The following LHFPL3 variants were observed in gnomAD, a reference collection of about 807,000 sequenced individuals.
LHFPL3 encodes LHFPL tetraspan subfamily member 3.
LHFPL3 carries 5 observed loss-of-function variants against 19.3 expected under a neutral mutation model. The ratio of observed to expected loss-of-function variants is 0.26; its 90% CI spans 0.14 to 0.54. The LOEUF is 0.54. Ranked by LOEUF, LHFPL3 falls within the 20% of genes least tolerant of loss-of-function variation. The probability of loss-of-function intolerance (pLI) is 0.94; values close to 1 mark genes in which losing one functional copy is unlikely to be tolerated. For synonymous variants in LHFPL3, 133 were observed against 126.2 expected, an observed-to-expected ratio of 1.05 and a Z score of -0.36; for missense variants, 249 against 307.4, an observed-to-expected ratio of 0.81 and a Z score of 1.42.
At chr7:104,626,118 T>C (rs1034203555) in intron 1 of LHFPL3, among the ~76,000 whole-genome samples, 2 of 152,192 alleles carry the variant, frequency 1.3e-5, no homozygotes, top group Non-Finnish European at 2.9e-5. Context: ...ACTGAGCCCA[T>C]GTAATTTTTT....
At chr7:104,498,338 A>G (rs984165929) in intron 1 of LHFPL3, among the ~76,000 whole-genome samples, 10 of 152,184 alleles carry the variant, frequency 6.6e-5, no homozygotes, top group Admixed American at 1.3e-4. Context: ...ACTGTCTGCA[A>G]TGAGGCTTCC....
At chr7:104,478,673 C>G (rs1793073215) in intron 1 of LHFPL3, among the ~76,000 whole-genome samples, 2 of 152,292 alleles carry the variant, frequency 1.3e-5, no homozygotes, top group South Asian at 4.1e-4. Context: ...ATCCCTGCAT[C>G]TTAAATCTCT....
Position 104,664,226 on chromosome 7 carries a change from G to A in LHFPL3, c.446-72449G>A, listed in dbSNP as rs537529271. 2.0e-5 allele frequency among the ~76,000 whole-genome samples: 3 copies of A among 152,034 alleles called. No homozygotes were observed. The South Asian group carries it at 6.2e-4, about 32-fold the overall frequency. ...GCTCCATTAAAAAGATAACCCAAAG[G>A]TTAAATTTTTATTGCCATGGTACTT... On this transcript the variant is annotated intron_variant, in intron 1 of 2. Coordinates refer to ENST00000424859, the MANE Select transcript of LHFPL3 (RefSeq NM_199000.3).
At chr7:104,408,864 C>CTTTTTTTTTTTTTTTTTTTTT (rs561975535) in intron 1 of LHFPL3, among the ~76,000 whole-genome samples, 2 of 105,436 alleles carry the variant, frequency 1.9e-5, no homozygotes, top group African/African-American at 7.5e-5. Flanking sequence ...AATTTTCTTT[C>CTTTTTTTTTTTTTTTTTTTTT]TTTTTTTTTT....
intron 1 of LHFPL3, among the ~76,000 whole-genome samples, chr7:104,563,548 C>T (rs112921746): frequency 0.1 from 15,122 of 151,848 alleles, 1,036 homozygotes; most frequent in African/African-American, 0.27. Context: ...GGCTCGCGCA[C>T]GGTGCACGCA....
chr7:104,656,747 C>T lies in LHFPL3; in HGVS notation c.446-79928C>T, dbSNP rs568308127. On this transcript the variant is annotated intron_variant, in intron 1 of 2. Coordinates refer to ENST00000424859, the MANE Select transcript of LHFPL3 (RefSeq NM_199000.3). ...TCTCCAGGACCTGAGGAGTCATGGACCTGTCTTGGCCAAATATCTCCTGAT... is the reference window on the plus strand; with the variant it reads ...TCTCCAGGACCTGAGGAGTCATGGATCTGTCTTGGCCAAATATCTCCTGAT... Among the ~76,000 whole-genome samples the T allele has an allele frequency of 5.9e-5, 9 of 152,322 alleles. No homozygotes were observed. The South Asian group carries it at 1.4e-3, about 25-fold the overall frequency.
chr7:104,522,067 G>A (rs1255393937), intron 1 of LHFPL3, among the ~76,000 whole-genome samples: 2 of 151,970 alleles, frequency 1.3e-5, no homozygotes, highest in Admixed American at 6.6e-5. Context: ...AAATCATGCT[G>A]CTATAAAGAC....
At chr7:104,365,786 T>TC (rs1452609690) in intron 1 of LHFPL3, among the ~76,000 whole-genome samples, 2,488 of 17,272 alleles carry the variant, frequency 0.14, 53 homozygotes, top group Middle Eastern at 0.23. Context: ...AGACTCCGTC[T>TC]CAAAAAAAAA....
chr7:104,563,443 T>C (rs1368637004), intron 1 of LHFPL3, among the ~76,000 whole-genome samples: 1 of 152,308 alleles, frequency 6.6e-6, no homozygotes, highest in Non-Finnish European at 1.5e-5. Context: ...TGACCCGATT[T>C]TCCAGGTGCC....
chr7:104,755,241 G>C (rs1794260073), intron 2 of LHFPL3, among the ~76,000 whole-genome samples: 1 of 152,032 alleles, frequency 6.6e-6, no homozygotes, highest in African/African-American at 2.4e-5. Context: ...AAGGACTTCT[G>C]GAGTCTCTGC....
At chr7:104,450,049 G>A (rs901502165) in intron 1 of LHFPL3, among the ~76,000 whole-genome samples, 2 of 152,152 alleles carry the variant, frequency 1.3e-5, no homozygotes, top group Non-Finnish European at 2.9e-5. Context: ...AGCCAGAAGA[G>A]ACCCCTCTCA....
chr7:104,729,203 A>G (rs1793643920), intron 1 of LHFPL3, among the ~76,000 whole-genome samples: 1 of 152,224 alleles, frequency 6.6e-6, no homozygotes, highest in South Asian at 2.1e-4. Context: ...CATGCATTGC[A>G]TGTGGTAAGC....
intron 1 of LHFPL3, among the ~76,000 whole-genome samples, chr7:104,571,455 A>C (rs1790229226): frequency 6.6e-6 from 1 of 152,080 alleles, no homozygotes; most frequent in Admixed American, 6.5e-5. Flanking sequence ...AAGGAGCCTT[A>C]ACACCCCTCC....
intron 2 of LHFPL3, among the ~76,000 whole-genome samples, chr7:104,792,405 ACT>A (rs1790039778): frequency 6.6e-6 from 1 of 152,132 alleles, no homozygotes; most frequent in Non-Finnish European, 1.5e-5. Context: ...GTGAGTCCAG[ACT>A]CTATTACAGA....
chr7:104,727,249 T>G (rs771187782), intron 1 of LHFPL3, among the ~76,000 whole-genome samples: 37 of 152,228 alleles, frequency 2.4e-4, no homozygotes, highest in Non-Finnish European at 5.0e-4. Flanking sequence ...ATAGATAGAT[T>G]GCAAAACTTT....
At chr7:104,429,385 G>T (rs1266261817) in intron 1 of LHFPL3, among the ~76,000 whole-genome samples, 1 of 136,548 alleles carries the variant, frequency 7.3e-6, no homozygotes. Flanking sequence ...TTGGCTCACT[G>T]CAACCTCCTC....
At chr7:104,674,372 C>CT (rs531335106) in intron 1 of LHFPL3, among the ~76,000 whole-genome samples, 2,193 of 134,650 alleles carry the variant, frequency 0.016, 32 homozygotes, top group African/African-American at 0.039. Context: ...TTTTCTTTTT[C>CT]TTTTTTTTTT....
intron 1 of LHFPL3, among the ~76,000 whole-genome samples, chr7:104,338,639 T>C (rs1020092513): frequency 1.3e-5 from 2 of 152,166 alleles, no homozygotes; most frequent in Non-Finnish European, 2.9e-5. Context: ...AGATAAAATA[T>C]ACTTAACCTA....
At chr7:104,836,322 T>TTGTGATG (rs553719910) in intron 2 of LHFPL3, among the ~76,000 whole-genome samples, 144 of 152,292 alleles carry the variant, frequency 9.5e-4, no homozygotes, top group African/African-American at 3.3e-3. Context: ...TGGGAGCCAC[T>TTGTGATG]GGAGGCTTGT....
Sources: gnomAD v4.1 joint callset for allele counts (sites outside exome capture counted in the v4.1 genomes callset) on GRCh38, gnomAD v4.1.1 for gene constraint, MANE v1.5 for transcripts, NCBI Gene and HGNC (gene_info 2026-07-23, HGNC 2026-07-21) for gene names.